GAPVD1: variants seen among roughly 807,000 people sequenced by gnomAD.
GAPVD1 encodes the protein GTPase-activating protein and VPS9 domain-containing protein 1.
A neutral mutation model predicts 155.5 loss-of-function variants in GAPVD1; 35 were observed. The observed-to-expected ratio is 0.23, with a 90% CI of 0.17 to 0.30. GAPVD1 has a LOEUF of 0.30. Among genes scored for constraint, GAPVD1 ranks in the 10% least tolerant of loss-of-function variants. The probability of loss-of-function intolerance (pLI) is 1.00; values close to 1 mark genes in which losing one functional copy is unlikely to be tolerated. For missense variants in GAPVD1, 1,429 were observed against 1,775.7 expected, an observed-to-expected ratio of 0.80 and a Z score of 3.51; for synonymous variants, 636 against 619.7, an observed-to-expected ratio of 1.03 and a Z score of -0.39.
intron 13 of GAPVD1, among the ~76,000 whole-genome samples, chr9:125,330,423 G>A (rs1420166012): frequency 2.6e-5 from 4 of 151,312 alleles, no homozygotes; most frequent in African/African-American, 7.3e-5. Context: ...GGTTCAAGCA[G>A]TCTTCTCGCC....
intron 2 of GAPVD1, among the ~76,000 whole-genome samples, chr9:125,274,354 G>GA (rs770370821): frequency 6.6e-6 from 1 of 150,918 alleles, no homozygotes; most frequent in Non-Finnish European, 1.5e-5. Context: ...AAAAACAATG[G>GA]AAAAAAAATG....
chr9:125,361,762 TAA>T (rs532554928), intron 27 of GAPVD1, among the ~76,000 whole-genome samples: 37 of 152,190 alleles, frequency 2.4e-4, no homozygotes, highest in Non-Finnish European at 4.1e-4. Flanking sequence ...ACTTTAAAAT[TAA>T]AGTTTCATCA....
At chr9:125,314,603 G>A (rs1204826663) in intron 9 of GAPVD1, among the ~76,000 whole-genome samples, 1 of 151,864 alleles carries the variant, frequency 6.6e-6, no homozygotes, top group African/African-American at 2.4e-5. Flanking sequence ...GCAGTGAGCT[G>A]AGATCGCCCC....
chr9:125,322,226 G>A (rs1462644760), intron 10 of GAPVD1, among the ~76,000 whole-genome samples: 1 of 152,038 alleles, frequency 6.6e-6, no homozygotes, highest in Non-Finnish European at 1.5e-5. Flanking sequence ...CACCACGCCT[G>A]GCTAATTTTT....
At chr9:125,270,507 G>T (rs1834723259) in intron 2 of GAPVD1, among the ~76,000 whole-genome samples, 1 of 152,102 alleles carries the variant, frequency 6.6e-6, no homozygotes, top group Non-Finnish European at 1.5e-5. Context: ...GTTTCAATAT[G>T]TATTATGATT....
At chr9:125,293,902 AT>A (rs1182028794) in intron 2 of GAPVD1, among the ~76,000 whole-genome samples, 3 of 102,634 alleles carry the variant, frequency 2.9e-5, no homozygotes, top group Admixed American at 1.3e-4. Flanking sequence ...ATATATATAT[AT>A]AAGTTTTTGT....
chr9:125,359,296 A>G (rs891495669), intron 25 of GAPVD1, 124 bp from the exon 26 acceptor site: 2 of 700,240 alleles, frequency 2.9e-6, no homozygotes, highest in Non-Finnish European at 5.2e-6. Context: ...ACTGTAATCC[A>G]TATCTAGCTG....
At chr9:125,273,426 T>C (rs1835219309) in intron 2 of GAPVD1, among the ~76,000 whole-genome samples, 1 of 152,160 alleles carries the variant, frequency 6.6e-6, no homozygotes, top group African/African-American at 2.4e-5. Flanking sequence ...GTCTTGAGTG[T>C]TTCAGTAATT....
chr9:125,269,277 T>A (rs927101010), intron 2 of GAPVD1, among the ~76,000 whole-genome samples: 2 of 152,126 alleles, frequency 1.3e-5, no homozygotes, highest in Non-Finnish European at 2.9e-5. Context: ...AAAAATAATT[T>A]TCAAATGTTT....
chr9:125,282,888 C>T (rs1475774277), intron 2 of GAPVD1, among the ~76,000 whole-genome samples: 1 of 151,960 alleles, frequency 6.6e-6, no homozygotes, highest in South Asian at 2.1e-4. Flanking sequence ...TTAAAATAGT[C>T]TTTGTAGAAA....
chr9:125,340,147 A>G (rs536643174), intron 17 of GAPVD1, among the ~76,000 whole-genome samples: 1 of 152,106 alleles, frequency 6.6e-6, no homozygotes, highest in South Asian at 2.1e-4. Context: ...CAGCCTCCCA[A>G]GTTGCTGGGA....
At position 125,317,360 on chromosome 9, in the gene GAPVD1, T is replaced by C. The variant is rs573123819; in HGVS notation, c.1603-4073T>C. ...ACGTCCTTGATGGCCGGGCGGTGGC[T>C]CACGCCTGTAATCCCAGCACTCTGG... On this transcript the variant is annotated intron_variant, in intron 9 of 27. Coordinates refer to ENST00000297933, the MANE Select transcript of GAPVD1 (RefSeq NM_001282680.3). Among the ~76,000 whole-genome samples, 96 of 150,308 alleles carry C rather than the reference T, an allele frequency of 6.4e-4. 1 individual carries two copies. The highest frequency in any genetic ancestry group is 4.4e-3 in the South Asian group (21 of 4,746).
rs770044401 is a variant in GAPVD1, at chr9:125,312,534, G to A, written c.1524G>A (p.Glu508=). The A allele has an allele frequency of 8.1e-6, 13 of 1,610,464 alleles. No individual in the cohort carries two copies. In the African/African-American group the frequency reaches 1.6e-4, roughly 20 times the overall value. Reference sequence around the variant, plus strand: ...GATCATCTCAAGAAACCATTCAGGAGGTGCAACCAGAAGAGGTGTTGGTCA... The same window carrying A: ...GATCATCTCAAGAAACCATTCAGGAAGTGCAACCAGAAGAGGTGTTGGTCA... ...HEGSSQETIQ[E]VQPEEVLVIS... Residue 508 remains glutamate, a synonymous_variant, in exon 9 of 28, where the codon GAG becomes GAA. Coordinates refer to ENST00000297933, the MANE Select transcript of GAPVD1 (RefSeq NM_001282680.3).
intron 8 of GAPVD1, among the ~76,000 whole-genome samples, chr9:125,312,136 G>A (rs1482567044): frequency 3.3e-5 from 5 of 152,138 alleles, no homozygotes; most frequent in Non-Finnish European, 7.4e-5. Flanking sequence ...TGCTTTTCTT[G>A]TCACTCCAAG....
At chr9:125,329,673 C>T (rs1315841346) in intron 12 of GAPVD1, among the ~76,000 whole-genome samples, 9 of 147,960 alleles carry the variant, frequency 6.1e-5, no homozygotes, top group African/African-American at 1.5e-4. Flanking sequence ...CAAAATGACA[C>T]GGCCATTTTT....
intron 9 of GAPVD1, among the ~76,000 whole-genome samples, chr9:125,313,836 A>G (rs2131294078): frequency 6.6e-6 from 1 of 152,294 alleles, no homozygotes; most frequent in East Asian, 1.9e-4. Flanking sequence ...TCTGACCTCC[A>G]GTGATCCACC....
chr9:125,363,408 T>C lies in GAPVD1; in HGVS notation c.*662T>C, dbSNP rs937744567. 5.9e-5 allele frequency: 9 copies of C among 152,304 alleles called. No individual in the cohort carries two copies. Among genetic ancestry groups the C allele is most frequent in the Admixed American group, 5.2e-4 (8 of 15,298 alleles). 9.4% of individuals were successfully genotyped at this position (152,304 alleles called of 1,614,324 possible). A position where few individuals can be genotyped will look rare whatever the true frequency, so the allele number is the denominator to read the frequency against. On this transcript the variant is annotated 3_prime_UTR_variant, in exon 28 of 28. Transcript: ENST00000297933. ...GAGCTTAAAAGCAAAAAACAAAAAG[T>C]ACACAGAAATATTTATTAAAATGTA... is the stretch of plus-strand genomic sequence containing the variant.
chr9:125,320,491 A>G (rs145037337), intron 9 of GAPVD1, among the ~76,000 whole-genome samples: 9 of 152,236 alleles, frequency 5.9e-5, no homozygotes, highest in African/African-American at 2.2e-4. Context: ...TTCAGACTAG[A>G]TGGATTAAAT....
At position 125,323,882 on chromosome 9, in the gene GAPVD1, G is replaced by T. The variant is rs771517562; in HGVS notation, c.1817G>T (p.Ser606Ile). Reference sequence around the variant, plus strand: ...GAACTTGGAGCAGGACCTTCTGGCAGTAATGGAGTTGAAGCTCTACAGCTG... The same window carrying T: ...GAACTTGGAGCAGGACCTTCTGGCATTAATGGAGTTGAAGCTCTACAGCTG... Reference protein sequence around the residue: ...VSELGAGPSGSNGVEALQLLE... With the variant: ...VSELGAGPSGINGVEALQLLE... Residue 606 changes from serine to isoleucine, a missense_variant, in exon 11 of 28, where the codon AGT (serine) becomes ATT (isoleucine). Ser to Ile is a moderately radical substitution (Grantham distance 142, BLOSUM62 -2). Transcript: ENST00000297933. 6.2e-7 allele frequency: 1 copy of T among 1,613,620 alleles called. No individual in the cohort carries two copies. Among genetic ancestry groups the T allele is most frequent in the Non-Finnish European group, 8.5e-7 (1 of 1,179,684 alleles).
Sources: gnomAD v4.1 joint callset for allele counts (sites outside exome capture counted in the v4.1 genomes callset) on GRCh38, gnomAD v4.1.1 for gene constraint, MANE v1.5 for transcripts, NCBI Gene and HGNC (gene_info 2026-07-23, HGNC 2026-07-21) for gene names.